CD2AP: variants seen among roughly 807,000 people sequenced by gnomAD.
CD2AP encodes the protein CD2-associated protein.
A neutral mutation model predicts 85.1 loss-of-function variants in CD2AP; 46 were observed. The observed-to-expected ratio is 0.54, with a 90% CI of 0.43 to 0.69. CD2AP has a LOEUF of 0.69. Ranked by LOEUF, CD2AP falls within the 30% of genes least tolerant of loss-of-function variation. The probability of loss-of-function intolerance (pLI) is 0.00; values close to 1 mark genes in which losing one functional copy is unlikely to be tolerated. For synonymous variants in CD2AP, 255 were observed against 252.9 expected (o/e 1.01, Z -0.08); for missense variants, 769 against 729.5 (o/e 1.05, Z -0.62).
intron 3 of CD2AP, among the ~76,000 whole-genome samples, chr6:47,543,543 G>A (rs902623585): frequency 9.2e-5 from 14 of 152,198 alleles, no homozygotes; most frequent in African/African-American, 2.9e-4. Flanking sequence ...TGTCAGGGTT[G>A]GTTTCTGGTG....
In CD2AP at chr6:47,582,007, A is replaced by C. The variant is rs1305770196; in HGVS notation, c.1050A>C (p.Pro350=). 10 of 1,603,060 alleles carry C rather than the reference A, an allele frequency of 6.2e-6. No individual in the cohort carries two copies. The highest frequency in any genetic ancestry group is 8.5e-6 in the Non-Finnish European group (10 of 1,170,092). The change falls in exon 11 of 18, where the codon CCA becomes CCC. Residue 350 remains proline (P), a synonymous_variant. Transcript: ENST00000359314. ...TATTAATGTTTTTTCCCATAGCTCC[A>C]AAGCCTGAACTGATAGCTGCAGAGA... ...KPPPPAKAPA[P]KPELIAAEKK...
intron 4 of CD2AP, among the ~76,000 whole-genome samples, chr6:47,546,019 C>A (rs1767357141): frequency 6.6e-6 from 1 of 151,888 alleles, no homozygotes; most frequent in Non-Finnish European, 1.5e-5. Context: ...CCCTGATTTA[C>A]CTGAAAAAGA....
In CD2AP at chr6:47,595,912, TC is replaced by T; in HGVS notation, c.1163del (p.Pro388HisfsTer15). ...CCTTCTAAACCAGCAGCTCCACAAGTCCCACCCAAGAAACCTACTCCACCTA... is the reference window on the plus strand; with the variant it reads ...CCTTCTAAACCAGCAGCTCCACAAGTCCACCCAAGAAACCTACTCCACCTA... ...QKPSKPAAPQ[V>X]PPKKPTPPTK... On this transcript the variant is annotated frameshift_variant, in exon 12 of 18. Coordinates refer to ENST00000359314, the MANE Select transcript of CD2AP (RefSeq NM_012120.3). LOFTEE classifies it high-confidence loss of function. The T allele has an allele frequency of 6.2e-7, 1 of 1,612,840 alleles. No individual in the cohort carries two copies. Among genetic ancestry groups the T allele is most frequent in the Non-Finnish European group, 8.5e-7 (1 of 1,179,138 alleles).
chr6:47,535,057 A>C (rs967110676), intron 3 of CD2AP, among the ~76,000 whole-genome samples: 2 of 152,160 alleles, frequency 1.3e-5, no homozygotes, highest in African/African-American at 2.4e-5. Flanking sequence ...TTGGCTTCCC[A>C]AAGTGCTGGA....
intron 8 of CD2AP, among the ~76,000 whole-genome samples, chr6:47,578,669 T>C (rs1768376667): frequency 6.6e-6 from 1 of 151,934 alleles, no homozygotes; most frequent in African/African-American, 2.4e-5. Context: ...TTTTTTTTTT[T>C]TTGAGATGCA....
intron 2 of CD2AP, among the ~76,000 whole-genome samples, chr6:47,516,051 C>T (rs1766444704): frequency 1.3e-5 from 2 of 152,016 alleles, no homozygotes; most frequent in Admixed American, 1.3e-4. Context: ...TGCCTCTATC[C>T]CTGGAAATTT....
At chr6:47,616,619 A>T (rs575347446) in intron 17 of CD2AP, among the ~76,000 whole-genome samples, 66 of 152,140 alleles carry the variant, frequency 4.3e-4, no homozygotes, top group Non-Finnish European at 7.9e-4. Flanking sequence ...GACTTTTTCC[A>T]TTATTCAGAA....
At position 47,503,441 on chromosome 6, in the gene CD2AP, G is replaced by T; in HGVS notation, c.165+1G>T. 6.2e-7 allele frequency: 1 copy of T among 1,612,966 alleles called. No homozygotes were observed. Among genetic ancestry groups the T allele is most frequent in the Non-Finnish European group, 8.5e-7 (1 of 1,179,060 alleles). ...AATGTTCCCTGACAATTTCGTTAAG[G>T]TAAGTATTTTCAGTTAAATTTCTAG... is the stretch of plus-strand genomic sequence containing the variant. On this transcript the variant is annotated splice_donor_variant, in intron 2 of 17. Coordinates refer to ENST00000359314, the MANE Select transcript of CD2AP (RefSeq NM_012120.3). LOFTEE classifies it high-confidence loss of function.
rs1231980872 is a variant in CD2AP, at chr6:47,532,413, ACACACAC to A, written c.166-1188_166-1182del. The stretch of plus-strand genomic sequence containing the variant: ...CACACACACACACACACACACACAC[ACACACAC>A]AATACTTGCCATATCAAGTTAAAAT... On this transcript the variant is annotated intron_variant, in intron 2 of 17. Coordinates refer to ENST00000359314, the MANE Select transcript of CD2AP (RefSeq NM_012120.3). Among the ~76,000 whole-genome samples, 8 of 87,354 alleles carry A rather than the reference ACACACAC, an allele frequency of 9.2e-5. No homozygotes were observed. In the East Asian group the frequency reaches 1.6e-3, roughly 17 times the overall value. 57.3% of individuals were successfully genotyped at this position (87,354 alleles called of 152,430 possible).
At chr6:47,594,024 C>T (rs1035127968) in intron 11 of CD2AP, among the ~76,000 whole-genome samples, 2 of 151,880 alleles carry the variant, frequency 1.3e-5, no homozygotes, top group Non-Finnish European at 1.5e-5. Context: ...TTGGGCTAAG[C>T]GAAAGAAGCC....
intron 2 of CD2AP, among the ~76,000 whole-genome samples, chr6:47,533,085 G>T (rs1766931895): frequency 6.6e-6 from 1 of 152,066 alleles, no homozygotes; most frequent in African/African-American, 2.4e-5. Context: ...AAATCAAAAG[G>T]ATAATATGAC....
At chr6:47,525,392 G>A (rs563712769) in intron 2 of CD2AP, among the ~76,000 whole-genome samples, 6 of 152,048 alleles carry the variant, frequency 3.9e-5, no homozygotes, top group Non-Finnish European at 8.8e-5. Context: ...TTATTACTGT[G>A]TTTAGGAATT....
At chr6:47,494,979 A>G (rs1416626162) in intron 1 of CD2AP, among the ~76,000 whole-genome samples, 1 of 152,066 alleles carries the variant, frequency 6.6e-6, no homozygotes, top group Non-Finnish European at 1.5e-5. Context: ...GGGCAGTATA[A>G]TGAGACCATG....
intron 5 of CD2AP, among the ~76,000 whole-genome samples, chr6:47,569,916 G>A (rs980108601): frequency 1.3e-5 from 2 of 152,102 alleles, no homozygotes; most frequent in South Asian, 2.1e-4. Context: ...GCCCTTACTG[G>A]TAGTACGTTG....
At chr6:47,568,537 C>T (rs577384954) in intron 5 of CD2AP, among the ~76,000 whole-genome samples, 127 of 152,042 alleles carry the variant, frequency 8.4e-4, no homozygotes, top group African/African-American at 3.0e-3. Flanking sequence ...GTCAGGAGTT[C>T]GAGACCAGCC....
At chr6:47,497,360 TC>T (rs1765890845) in intron 1 of CD2AP, among the ~76,000 whole-genome samples, 1 of 141,166 alleles carries the variant, frequency 7.1e-6, no homozygotes, top group African/African-American at 2.6e-5. Flanking sequence ...CCCTTCCCCT[TC>T]CCCTTCCCCT....
At chr6:47,511,310 A>G (rs1766308820) in intron 2 of CD2AP, among the ~76,000 whole-genome samples, 1 of 152,180 alleles carries the variant, frequency 6.6e-6, no homozygotes, top group Non-Finnish European at 1.5e-5. Flanking sequence ...GAGACATTCT[A>G]CAAAATACCT....
intron 16 of CD2AP, among the ~76,000 whole-genome samples, chr6:47,612,250 T>A (rs1047746533): frequency 3.3e-5 from 5 of 152,140 alleles, no homozygotes; most frequent in African/African-American, 1.2e-4. Flanking sequence ...CTGAATTTGC[T>A]TGATTTCTTG....
chr6:47,568,145 G>A (rs766697082), intron 5 of CD2AP, among the ~76,000 whole-genome samples: 3 of 152,286 alleles, frequency 2.0e-5, no homozygotes, highest in East Asian at 1.9e-4. Context: ...TTTGTAAGAT[G>A]GAGATGTCAT....
Sources: gnomAD v4.1 joint callset for allele counts (sites outside exome capture counted in the v4.1 genomes callset) on GRCh38, gnomAD v4.1.1 for gene constraint, MANE v1.5 for transcripts, NCBI Gene and HGNC (gene_info 2026-07-23, HGNC 2026-07-21) for gene names.